Variants in SPMIP9 observed in about 807,000 individuals in gnomAD.
The protein encoded by SPMIP9 is sperm microtubule inner protein 9, also known as protein SPMIP9.
chr2:88,525,816 CAAGAAG>C, the SPMIP9 span: 4 of 740,904 alleles, frequency 5.4e-6, no homozygotes, highest in Non-Finnish European at 9.0e-6. Flanking sequence ...TTTTTTGGTA[CAAGAAG>C]AAGAAGAGAA....
chr2:88,529,529 A>G, the SPMIP9 span: 1 of 1,444,260 alleles, frequency 6.9e-7, no homozygotes, highest in Non-Finnish European at 9.4e-7. Context: ...AAATCCTATG[A>G]CCTTGGAGTG....
the SPMIP9 span, among the ~76,000 whole-genome samples, chr2:88,527,966 G>C: frequency 5.9e-3 from 900 of 151,960 alleles, 8 homozygotes; most frequent in South Asian, 0.04. Context: ...ATTTTCCTGT[G>C]GTCATAATTT....
the SPMIP9 span, chr2:88,525,797 G>GTTTT: frequency 1.0e-5 from 7 of 701,158 alleles, no homozygotes; most frequent in African/African-American, 1.9e-5. Context: ...GGTTTTGTGG[G>GTTTT]TTTTTTTTTT....
At chr2:88,525,456 C>A in the SPMIP9 span, among the ~76,000 whole-genome samples, 1 of 152,296 alleles carries the variant, frequency 6.6e-6, no homozygotes, top group African/African-American at 2.4e-5. Flanking sequence ...TCCCAGGGAC[C>A]CTGGTATCAC....
the SPMIP9 span, chr2:88,525,728 A>G: frequency 1.3e-6 from 2 of 1,567,388 alleles, no homozygotes; most frequent in Non-Finnish European, 1.8e-6. Context: ...TAGCCTCAGC[A>G]AGGCCCTGGA....
At chr2:88,527,676 T>C in the SPMIP9 span, among the ~76,000 whole-genome samples, 2 of 152,232 alleles carry the variant, frequency 1.3e-5, no homozygotes, top group Non-Finnish European at 2.9e-5. Context: ...CTGTCTCTTC[T>C]TATTGGTGGA....
chr2:88,525,313 C>G, the SPMIP9 span, among the ~76,000 whole-genome samples: 1 of 152,216 alleles, frequency 6.6e-6, no homozygotes, highest in Non-Finnish European at 1.5e-5. Flanking sequence ...TCCCTGAAAA[C>G]ATGGTTGTTA....
chr2:88,528,865 AC>A, the SPMIP9 span, among the ~76,000 whole-genome samples: 46 of 152,330 alleles, frequency 3.0e-4, no homozygotes, highest in African/African-American at 9.4e-4. Flanking sequence ...AAAGAGACTT[AC>A]GTTTCACTAT....
chr2:88,529,387 A>T, the SPMIP9 span: 1 of 1,613,994 alleles, frequency 6.2e-7, no homozygotes, highest in Non-Finnish European at 8.5e-7. Context: ...GCTACCTGCT[A>T]CTGCCAGGGT....
the SPMIP9 span, chr2:88,525,711 G>C: frequency 6.2e-7 from 1 of 1,613,362 alleles, no homozygotes; most frequent in Non-Finnish European, 8.5e-7. Flanking sequence ...ACGGTCTCAG[G>C]GTTGGGTAGC....
chr2:88,528,286 C>T, the SPMIP9 span, among the ~76,000 whole-genome samples: 4 of 150,552 alleles, frequency 2.7e-5, no homozygotes, highest in Non-Finnish European at 5.9e-5. Context: ...TACAGGCATG[C>T]ACCACGACAC....
At chr2:88,529,509 G>C in the SPMIP9 span, 1 of 1,561,956 alleles carries the variant, frequency 6.4e-7, no homozygotes, top group Non-Finnish European at 8.7e-7. Context: ...GCTCTTCCAA[G>C]GGCATGTGGA....
chr2:88,527,259 G>GTC, the SPMIP9 span, among the ~76,000 whole-genome samples: 77 of 152,112 alleles, frequency 5.1e-4, 1 homozygote, highest in South Asian at 0.013. Context: ...TGAGACCAGG[G>GTC]GTTTGAGACC....
chr2:88,529,287 C>A, the SPMIP9 span: 2 of 1,614,154 alleles, frequency 1.2e-6, no homozygotes, highest in Non-Finnish European at 1.7e-6. Flanking sequence ...CTGCACCTGG[C>A]CCAGGGTGAC....
the SPMIP9 span, among the ~76,000 whole-genome samples, chr2:88,526,745 A>G: frequency 8.0e-3 from 1,221 of 151,774 alleles, 25 homozygotes; most frequent in African/African-American, 0.028. Flanking sequence ...GCTCACTACA[A>G]CCTCTGCCGC....
the SPMIP9 span, among the ~76,000 whole-genome samples, chr2:88,527,737 GATGAGATAAGTCACATCCTA>G: frequency 6.6e-6 from 1 of 152,150 alleles, no homozygotes; most frequent in Non-Finnish European, 1.5e-5. Flanking sequence ...CTGCATTGAA[GATGAGATAAGTCACATCCTA>G]ATGTTCAAGA....
the SPMIP9 span, chr2:88,529,290 A>AC: frequency 6.2e-7 from 1 of 1,614,184 alleles, no homozygotes; most frequent in Non-Finnish European, 8.5e-7. Flanking sequence ...CACCTGGCCC[A>AC]GGGTGACCCC....
chr2:88,526,579 G>A, the SPMIP9 span: 9 of 1,085,736 alleles, frequency 8.3e-6, no homozygotes, highest in South Asian at 1.2e-4. Flanking sequence ...TACAAATGTG[G>A]ACATTTGGGC....
At chr2:88,525,178 A>T in the SPMIP9 span, among the ~76,000 whole-genome samples, 1 of 152,138 alleles carries the variant, frequency 6.6e-6, no homozygotes, top group Non-Finnish European at 1.5e-5. Flanking sequence ...GGCTCACAAG[A>T]GCCCATCCTG....
Sources: gnomAD v4.1 joint callset for allele counts (sites outside exome capture counted in the v4.1 genomes callset) on GRCh38, gnomAD v4.1.1 for gene constraint, MANE v1.5 for transcripts, NCBI Gene and HGNC (gene_info 2026-07-23, HGNC 2026-07-21) for gene names.